PCDHGA4: variants seen among roughly 807,000 people sequenced by gnomAD.
PCDHGA4 encodes protocadherin gamma-A4.
Under a neutral mutation model 54.6 loss-of-function variants are expected in PCDHGA4, and 38 were observed. The observed-to-expected ratio is 0.70, with a 90% CI of 0.54 to 0.91. The LOEUF is 0.91. PCDHGA4 is among the 40% of genes least tolerant of loss of function. The probability of loss-of-function intolerance (pLI) is 0.00; values close to 1 mark genes in which losing one functional copy is unlikely to be tolerated. For missense variants in PCDHGA4, 1,298 were observed against 1,220.9 expected, an observed-to-expected ratio of 1.06 and a Z score of -0.94; for synonymous variants, 511 against 512.9, an observed-to-expected ratio of 1.00 and a Z score of 0.05.
At chr5:141,458,438 C>T (rs2098945825) in intron 1 of PCDHGA4, among the ~76,000 whole-genome samples, 1 of 152,024 alleles carries the variant, frequency 6.6e-6, no homozygotes, top group Non-Finnish European at 1.5e-5. Flanking sequence ...GAGGAGGTCC[C>T]CCACATTAAC....
intron 1 of PCDHGA4, among the ~76,000 whole-genome samples, chr5:141,488,133 G>T (rs1046071550): frequency 6.6e-6 from 1 of 152,198 alleles, no homozygotes; most frequent in Non-Finnish European, 1.5e-5. Context: ...AGAAAGAGGA[G>T]AGAACTAAAG....
Position 141,462,764 on chromosome 5 carries a change from G to C in PCDHGA4, c.2515-32043G>C, listed in dbSNP as rs150842317. Among the ~76,000 whole-genome samples, 589 of 152,084 alleles carry C rather than the reference G, an allele frequency of 3.9e-3. 5 individuals are homozygous for C. Among genetic ancestry groups the C allele is most frequent in the Admixed American group, 0.011 (169 of 15,274 alleles). ...AATTCCTATGATGATTTTCTTCCTG[G>C]CTTGGGGTCATAATTTGTTGCTTAT... On this transcript the variant is annotated intron_variant, in intron 1 of 3. Transcript: ENST00000571252.
Position 141,491,306 on chromosome 5 carries a change from A to G in PCDHGA4, c.2515-3501A>G. ...CTCATACACCCTCCTGAGCGTTCAGACCTTACCCTTTACCTCATTGTGGCT... is the reference window on the plus strand; with the variant it reads ...CTCATACACCCTCCTGAGCGTTCAGGCCTTACCCTTTACCTCATTGTGGCT... On this transcript the variant is annotated intron_variant, in intron 1 of 3. Coordinates refer to ENST00000571252, the MANE Select transcript of PCDHGA4 (RefSeq NM_018917.4). This position sits in a 1 kb window ranked among gnomAD's most constrained non-coding sequence, Gnocchi z 6.9. 1 of 1,614,032 alleles carries G rather than the reference A, an allele frequency of 6.2e-7. No individual in the cohort carries two copies. The highest frequency in any genetic ancestry group is 2.2e-5 in the East Asian group (1 of 44,872).
intron 1 of PCDHGA4, chr5:141,394,248 C>T (rs937129072): frequency 9.3e-6 from 15 of 1,613,816 alleles, no homozygotes; most frequent in Admixed American, 6.7e-5. Flanking sequence ...TGCACACGAC[C>T]CCGACAGCCA....
In PCDHGA4 at chr5:141,491,533, C is replaced by G. The variant is rs758270791; in HGVS notation, c.2515-3274C>G. 4.3e-6 allele frequency: 7 copies of G among 1,614,010 alleles called. No homozygotes were observed. The highest frequency in any genetic ancestry group is 5.1e-6 in the Non-Finnish European group (6 of 1,180,028). ...GCTCAAGTACATGGAGGTGACGCTGCGGCCCACAGACTCGCAGAGCCACTG... is the reference window on the plus strand; with the variant it reads ...GCTCAAGTACATGGAGGTGACGCTGGGGCCCACAGACTCGCAGAGCCACTG... On this transcript the variant is annotated intron_variant, in intron 1 of 3. Transcript: ENST00000571252. The surrounding 1 kb of genome is among the most constrained non-coding windows in gnomAD (Gnocchi z 6.9).
intron 1 of PCDHGA4, chr5:141,400,298 A>G (rs2093998591): frequency 6.2e-7 from 1 of 1,613,974 alleles, no homozygotes; most frequent in Non-Finnish European, 8.5e-7. Context: ...AGCTGCTTCC[A>G]ACCTGGTCTC....
chr5:141,388,372 G>C (rs1040306905), intron 1 of PCDHGA4: 5 of 1,613,966 alleles, frequency 3.1e-6, no homozygotes, highest in Non-Finnish European at 4.2e-6. Context: ...GCGGATATTG[G>C]TAGCAACACA....
At chr5:141,398,242 G>A (rs768096349) in intron 1 of PCDHGA4, 11 of 1,476,422 alleles carry the variant, frequency 7.5e-6, no homozygotes, top group Admixed American at 6.1e-5. Context: ...CAGGATTCCC[G>A]AGGAAATGCC....
At chr5:141,398,612 T>G in intron 1 of PCDHGA4, 1 of 1,614,024 alleles carries the variant, frequency 6.2e-7, no homozygotes, top group Non-Finnish European at 8.5e-7. Flanking sequence ...GATGCAGATA[T>G]TGGCTTAAAC....
At chr5:141,415,114 G>C (rs186848544) in intron 1 of PCDHGA4, 1 of 1,613,648 alleles carries the variant, frequency 6.2e-7, no homozygotes, top group Non-Finnish European at 8.5e-7. Flanking sequence ...GCAAAGCCTC[G>C]TAGTGGCCGT....
At chr5:141,428,142 C>T in intron 1 of PCDHGA4, 1 of 1,594,260 alleles carries the variant, frequency 6.3e-7, no homozygotes, top group Non-Finnish European at 8.6e-7. Flanking sequence ...CCTGGGGCTG[C>T]ACACGGGAAC....
At chr5:141,407,505 T>TTTTTTTTTTTTTTTTTTTTTGAG (rs1460306566) in intron 1 of PCDHGA4, among the ~76,000 whole-genome samples, 2 of 152,146 alleles carry the variant, frequency 1.3e-5, no homozygotes, top group African/African-American at 4.8e-5. Context: ...CTGTTTTTCT[T>TTTTTTTTTTTTTTTTTTTTTGAG]AGGCTATGTA....
chr5:141,388,978 C>T, intron 1 of PCDHGA4: 1 of 1,613,972 alleles, frequency 6.2e-7, no homozygotes, highest in Non-Finnish European at 8.5e-7. Context: ...ACACATATTG[C>T]TTTGCTCAAA....
At position 141,489,076 on chromosome 5, in the gene PCDHGA4, C is replaced by T. The variant is rs536134432; in HGVS notation, c.2515-5731C>T. The T allele has an allele frequency of 6.1e-6, 2 of 326,424 alleles. No individual in the cohort carries two copies. Among genetic ancestry groups the T allele is most frequent in the East Asian group, 5.8e-5 (1 of 17,220 alleles). 20.2% of individuals were successfully genotyped at this position (326,424 alleles called of 1,614,324 possible). On this transcript the variant is annotated intron_variant, in intron 1 of 3. Coordinates refer to ENST00000571252, the MANE Select transcript of PCDHGA4 (RefSeq NM_018917.4). The surrounding 1 kb of genome is among the most constrained non-coding windows in gnomAD (Gnocchi z 4.5). The stretch of plus-strand genomic sequence containing the variant: ...CAGCTCCCCTCCCCCCTGCCCACCC[C>T]CGCCACTCGGTGACTAAGAACTGCT...
Position 141,355,056 on chromosome 5 carries a change from T to A in PCDHGA4, c.-52T>A, listed in dbSNP as rs1323351073. 2 of 1,231,662 alleles carry A rather than the reference T, an allele frequency of 1.6e-6. No homozygotes were observed. Among genetic ancestry groups the A allele is most frequent in the Non-Finnish European group, 2.2e-6 (2 of 905,212 alleles). The allele number at this position is 1,231,662 out of a possible 1,614,324, so 76.3% of individuals were successfully genotyped here. A position where few individuals can be genotyped will look rare whatever the true frequency, so the allele number is the denominator to read the frequency against. On this transcript the variant is annotated 5_prime_UTR_variant, in exon 1 of 4. Coordinates refer to ENST00000571252, the MANE Select transcript of PCDHGA4 (RefSeq NM_018917.4). Reference sequence around the variant, plus strand: ...GATTTCTGCAGCACAAAGCACTGGCTCTGGAGCTTTATGAAAGCTTCAAGC... The same window carrying A: ...GATTTCTGCAGCACAAAGCACTGGCACTGGAGCTTTATGAAAGCTTCAAGC...
chr5:141,423,106 G>T lies in PCDHGA4; in HGVS notation c.2514+65485G>T, dbSNP rs562864937. On this transcript the variant is annotated intron_variant, in intron 1 of 3. Coordinates refer to ENST00000571252, the MANE Select transcript of PCDHGA4 (RefSeq NM_018917.4). ...CGCGGTGGGGGAGCACACGGGCGAGGTGCGTACAGCGCGGGCACTGCTGGA... is the reference window on the plus strand; with the variant it reads ...CGCGGTGGGGGAGCACACGGGCGAGTTGCGTACAGCGCGGGCACTGCTGGA... The T allele has an allele frequency of 1.2e-5, 19 of 1,613,894 alleles. No individual in the cohort carries two copies. The African/African-American group carries it at 2.1e-4, about 18-fold the overall frequency.
chr5:141,476,950 A>T lies in PCDHGA4; in HGVS notation c.2515-17857A>T, dbSNP rs1224572890. 2 of 1,614,158 alleles carry T rather than the reference A, an allele frequency of 1.2e-6. No homozygotes were observed. The highest frequency in any genetic ancestry group is 4.5e-5 in the East Asian group (2 of 44,878). ...ATCTGGATGAAGGCCCCAACGGTGA[A>T]ATTATTTACTCCTTCGGCAGCCACA... On this transcript the variant is annotated intron_variant, in intron 1 of 3. Transcript: ENST00000571252. The surrounding 1 kb of genome is among the most constrained non-coding windows in gnomAD (Gnocchi z 7.6).
At chr5:141,414,280 G>A (rs1448512468) in intron 1 of PCDHGA4, 2 of 1,613,604 alleles carry the variant, frequency 1.2e-6, no homozygotes, top group Admixed American at 1.7e-5. Context: ...TCTGGGAACA[G>A]TCGTAGCCCT....
At chr5:141,478,528 G>A (rs1013766552) in intron 1 of PCDHGA4, 1 of 1,609,730 alleles carries the variant, frequency 6.2e-7, no homozygotes, top group Non-Finnish European at 8.5e-7. Context: ...TGGGTGCAGA[G>A]AGCGCCCCTC....
Sources: gnomAD v4.1 joint callset for allele counts (sites outside exome capture counted in the v4.1 genomes callset) on GRCh38, gnomAD v4.1.1 for gene constraint, Gnocchi (gnomAD v3.1) non-coding constraint, MANE v1.5 for transcripts, NCBI Gene and HGNC (gene_info 2026-07-23, HGNC 2026-07-21) for gene names.